RBMS3: variants seen among roughly 807,000 people sequenced by gnomAD.
The protein encoded by RBMS3 is RNA binding motif single stranded interacting protein 3.
In RBMS3, 27 loss-of-function variants were observed where a neutral mutation model predicts 66.8. The ratio of observed to expected loss-of-function variants is 0.40; its 90% CI spans 0.30 to 0.56. RBMS3 has a LOEUF of 0.56. Among genes scored for constraint, RBMS3 ranks in the 20% least tolerant of loss-of-function variants. The pLI is 0.40. For missense variants in RBMS3, 513 were observed against 549.5 expected (o/e 0.93, Z 0.66); for synonymous variants, 188 against 183.0 (o/e 1.03, Z -0.22).
chr3:29,775,634 C>T (rs1296836288), intron 6 of RBMS3, among the ~76,000 whole-genome samples: 1 of 152,024 alleles, frequency 6.6e-6, no homozygotes, highest in Non-Finnish European at 1.5e-5. Context: ...CTTTTAGTCG[C>T]TGCTAATTTC....
intron 1 of RBMS3, among the ~76,000 whole-genome samples, chr3:29,398,068 G>A (rs982744565): frequency 2.0e-5 from 3 of 152,160 alleles, no homozygotes; most frequent in Non-Finnish European, 2.9e-5. Flanking sequence ...TAGTGAATTT[G>A]CAGAATCTAG....
chr3:29,764,055 A>G (rs77907540), intron 6 of RBMS3, among the ~76,000 whole-genome samples: 1 of 152,082 alleles, frequency 6.6e-6, no homozygotes, highest in Admixed American at 6.6e-5. Flanking sequence ...GAGTTTATAG[A>G]TAAGAGGAAG....
intron 4 of RBMS3, among the ~76,000 whole-genome samples, chr3:29,598,512 T>G (rs772954161): frequency 6.6e-6 from 1 of 152,090 alleles, no homozygotes; most frequent in Non-Finnish European, 1.5e-5. Flanking sequence ...CTTAATTATT[T>G]TATACAAAAG....
At chr3:29,980,644 T>C (rs930567948) in intron 12 of RBMS3, among the ~76,000 whole-genome samples, 3 of 152,254 alleles carry the variant, frequency 2.0e-5, no homozygotes, top group African/African-American at 7.2e-5. Flanking sequence ...TTCAGTTTTC[T>C]GCCTATGGCT....
intron 3 of RBMS3, among the ~76,000 whole-genome samples, chr3:29,563,545 C>T (rs1041622850): frequency 6.6e-6 from 1 of 152,048 alleles, no homozygotes; most frequent in Non-Finnish European, 1.5e-5. Context: ...AAAAAAGGAG[C>T]CCATAGTACT....
chr3:29,716,314 G>T (rs944257669), intron 4 of RBMS3, among the ~76,000 whole-genome samples: 1 of 152,116 alleles, frequency 6.6e-6, no homozygotes, highest in Non-Finnish European at 1.5e-5. Context: ...ACCATACAAT[G>T]GTGTTGAGAA....
chr3:29,594,949 A>G (rs1156858497), intron 4 of RBMS3, among the ~76,000 whole-genome samples: 7 of 152,232 alleles, frequency 4.6e-5, no homozygotes, highest in Non-Finnish European at 1.0e-4. Flanking sequence ...GAAACAGTGC[A>G]TATGTATACT....
At chr3:29,428,392 G>A (rs1210085336) in intron 1 of RBMS3, among the ~76,000 whole-genome samples, 1 of 151,984 alleles carries the variant, frequency 6.6e-6, no homozygotes, top group Non-Finnish European at 1.5e-5. Flanking sequence ...AAATGTGAGT[G>A]GTGCCAAAGT....
chr3:29,778,425 T>C lies in RBMS3; in HGVS notation c.637+15436T>C, dbSNP rs11917478. Among the ~76,000 whole-genome samples, 1,032 of 147,830 alleles carry C rather than the reference T, an allele frequency of 7.0e-3. 14 individuals carry two copies. The highest frequency in any genetic ancestry group is 0.048 in the Middle Eastern group (14 of 290). On this transcript the variant is annotated intron_variant, in intron 6 of 14. Coordinates refer to ENST00000383767, the MANE Select transcript of RBMS3 (RefSeq NM_001003793.3). ...GATCCCCTGTTCCCAATCTTATCAA[T>C]AAACTTTTTTTTTTTTTTGTGCAAG...
chr3:29,901,834 G>A (rs1325869859), intron 10 of RBMS3, among the ~76,000 whole-genome samples: 1 of 151,744 alleles, frequency 6.6e-6, no homozygotes, highest in Non-Finnish European at 1.5e-5. Flanking sequence ...ACACCACTTT[G>A]CTATCTTTTA....
intron 2 of RBMS3, among the ~76,000 whole-genome samples, chr3:29,449,071 A>G (rs2041929675): frequency 6.6e-6 from 1 of 152,206 alleles, no homozygotes. Flanking sequence ...AATTATTTCC[A>G]CATCATTTGT....
At chr3:29,499,278 T>C (rs1559413952) in intron 3 of RBMS3, among the ~76,000 whole-genome samples, 1 of 152,108 alleles carries the variant, frequency 6.6e-6, no homozygotes, top group Admixed American at 6.5e-5. Context: ...TTGTTCTTAT[T>C]ATTAGTTAAT....
At chr3:29,673,142 T>C (rs74626261) in intron 4 of RBMS3, among the ~76,000 whole-genome samples, 75,323 of 151,962 alleles carry the variant, frequency 0.5, 19,023 homozygotes, top group Middle Eastern at 0.58. Flanking sequence ...TGTTCCTGAA[T>C]GACTACTGGG....
chr3:29,421,641 A>C (rs1325214541), intron 1 of RBMS3, among the ~76,000 whole-genome samples: 1 of 152,156 alleles, frequency 6.6e-6, no homozygotes, highest in African/African-American at 2.4e-5. Flanking sequence ...TCCCTTATAA[A>C]AATTTATATT....
intron 5 of RBMS3, 74 bp from the exon 6 acceptor site, chr3:29,762,836 T>G: frequency 9.6e-7 from 1 of 1,045,740 alleles, no homozygotes; most frequent in Non-Finnish European, 1.4e-6. Flanking sequence ...TATGGCTTTC[T>G]TGTTTTCCTT....
chr3:29,620,348 T>C (rs904436840), intron 4 of RBMS3, among the ~76,000 whole-genome samples: 1 of 152,180 alleles, frequency 6.6e-6, no homozygotes, highest in Non-Finnish European at 1.5e-5. Context: ...TACTTTTCAA[T>C]GACTTGTTTG....
At chr3:29,432,455 A>G (rs2041244429) in intron 1 of RBMS3, among the ~76,000 whole-genome samples, 1 of 152,222 alleles carries the variant, frequency 6.6e-6, no homozygotes, top group Non-Finnish European at 1.5e-5. Flanking sequence ...GGAAGGTGTA[A>G]AACAGATTAC....
chr3:29,458,470 T>C (rs542185562), intron 2 of RBMS3, among the ~76,000 whole-genome samples: 2 of 152,302 alleles, frequency 1.3e-5, no homozygotes, highest in Non-Finnish European at 2.9e-5. Flanking sequence ...CAGTCCCTTA[T>C]ATAAAATTGC....
chr3:29,765,555 A>G (rs1193579013), intron 6 of RBMS3, among the ~76,000 whole-genome samples: 1 of 151,934 alleles, frequency 6.6e-6, no homozygotes, highest in Non-Finnish European at 1.5e-5. Context: ...GATTTGACAT[A>G]TTTGAATTCA....
Sources: gnomAD v4.1 joint callset for allele counts (sites outside exome capture counted in the v4.1 genomes callset) on GRCh38, gnomAD v4.1.1 for gene constraint, MANE v1.5 for transcripts, NCBI Gene and HGNC (gene_info 2026-07-23, HGNC 2026-07-21) for gene names.